Variants in KCNK2 observed in about 807,000 individuals in gnomAD.
KCNK2 encodes the protein potassium channel subfamily K member 2.
In KCNK2, 21 loss-of-function variants were observed where a neutral mutation model predicts 40.5. The observed-to-expected ratio is 0.52, with a 90% confidence interval of 0.37 to 0.75. KCNK2 has a LOEUF of 0.75. KCNK2 is among the 30% of genes least tolerant of loss of function. KCNK2 has a pLI of 0.00. For missense variants in KCNK2, 399 were observed against 531.6 expected (o/e 0.75, Z 2.45); for synonymous variants, 191 against 202.2 (o/e 0.94, Z 0.47).
chr1:215,093,681 A>G (rs1456129136), intron 2 of KCNK2, among the ~76,000 whole-genome samples: 1 of 98,144 alleles, frequency 1.0e-5, no homozygotes, highest in African/African-American at 4.2e-5. Context: ...ATATACATAT[A>G]TAATATGTAT....
At chr1:215,023,020 A>G (rs1258246481) in intron 1 of KCNK2, among the ~76,000 whole-genome samples, 3 of 152,246 alleles carry the variant, frequency 2.0e-5, no homozygotes, top group African/African-American at 7.2e-5. Context: ...TACAATATCT[A>G]AGTATGAACA....
intron 2 of KCNK2, among the ~76,000 whole-genome samples, chr1:215,106,715 T>G (rs1320414284): frequency 6.6e-6 from 1 of 152,186 alleles, no homozygotes; most frequent in Non-Finnish European, 1.5e-5. Context: ...TTTTTATGAT[T>G]TGAGGTTTTA....
At chr1:215,134,427 G>C (rs1321565526) in intron 3 of KCNK2, among the ~76,000 whole-genome samples, 1 of 152,186 alleles carries the variant, frequency 6.6e-6, no homozygotes, top group African/African-American at 2.4e-5. Context: ...AAGGGATACA[G>C]ATGAAAGACA....
intron 1 of KCNK2, among the ~76,000 whole-genome samples, chr1:215,014,160 A>G (rs1453768959): frequency 6.6e-6 from 1 of 152,098 alleles, no homozygotes; most frequent in Non-Finnish European, 1.5e-5. Context: ...GCCTCATTTA[A>G]TATGATCATG....
intron 3 of KCNK2, among the ~76,000 whole-genome samples, chr1:215,145,393 A>G (rs1357749473): frequency 6.6e-6 from 1 of 152,196 alleles, no homozygotes; most frequent in Admixed American, 6.5e-5. Context: ...TGGGCTCTAG[A>G]GCCTGAAGTC....
intron 1 of KCNK2, among the ~76,000 whole-genome samples, chr1:215,077,572 C>A (rs1016546587): frequency 6.6e-6 from 1 of 152,156 alleles, no homozygotes; most frequent in South Asian, 2.1e-4. Flanking sequence ...GATGAGATTT[C>A]TTCTGCGATG....
intron 1 of KCNK2, among the ~76,000 whole-genome samples, chr1:215,061,521 A>C (rs1278890009): frequency 6.6e-6 from 1 of 152,146 alleles, no homozygotes; most frequent in Admixed American, 6.5e-5. Context: ...AAATCTCCAG[A>C]CAAAGAACAA....
intron 5 of KCNK2, among the ~76,000 whole-genome samples, chr1:215,181,643 T>G (rs1012349316): frequency 6.6e-6 from 1 of 152,210 alleles, no homozygotes; most frequent in Non-Finnish European, 1.5e-5. Context: ...TTGACTTTGC[T>G]GCTATAGCCC....
intron 6 of KCNK2, among the ~76,000 whole-genome samples, chr1:215,213,332 G>C (rs1665822064): frequency 6.6e-6 from 1 of 152,152 alleles, no homozygotes. Flanking sequence ...TCCTGGGCTG[G>C]GCGCAGTGGC....
At chr1:215,019,866 T>C (rs969584438) in intron 1 of KCNK2, among the ~76,000 whole-genome samples, 1 of 152,170 alleles carries the variant, frequency 6.6e-6, no homozygotes, top group African/African-American at 2.4e-5. Context: ...ATATTATTGT[T>C]CTGTTTTTAA....
At chr1:215,098,085 T>C (rs1289073744) in intron 2 of KCNK2, among the ~76,000 whole-genome samples, 1 of 152,008 alleles carries the variant, frequency 6.6e-6, no homozygotes. Flanking sequence ...GTCTTCCTAG[T>C]AGTTTTGTTT....
chr1:215,194,884 T>G (rs1406896839), intron 5 of KCNK2, 69 bp from the exon 6 acceptor site: 2 of 1,450,636 alleles, frequency 1.4e-6, no homozygotes, highest in African/African-American at 1.4e-5. Flanking sequence ...GTTAGTAATT[T>G]TAGCAATACC....
intron 1 of KCNK2, among the ~76,000 whole-genome samples, chr1:215,065,264 A>G (rs1314368193): frequency 6.6e-6 from 1 of 152,220 alleles, no homozygotes; most frequent in Non-Finnish European, 1.5e-5. Flanking sequence ...CATCTATTTT[A>G]TCTGGTTTCA....
intron 3 of KCNK2, among the ~76,000 whole-genome samples, chr1:215,163,791 C>A (rs895534881): frequency 1.3e-5 from 2 of 152,236 alleles, no homozygotes; most frequent in East Asian, 3.9e-4. Flanking sequence ...GGTGGATAAG[C>A]TTTTTGATGT....
chr1:215,051,606 C>T (rs557615613), intron 1 of KCNK2, among the ~76,000 whole-genome samples: 1 of 152,134 alleles, frequency 6.6e-6, no homozygotes, highest in Admixed American at 6.5e-5. Flanking sequence ...GGATGCTTGA[C>T]CAGAAACCTG....
chr1:215,047,456 T>C (rs1262861675), intron 1 of KCNK2, among the ~76,000 whole-genome samples: 2 of 152,050 alleles, frequency 1.3e-5, no homozygotes, highest in Non-Finnish European at 2.9e-5. Flanking sequence ...TTGCCCAAGG[T>C]CACACACCTA....
intron 3 of KCNK2, among the ~76,000 whole-genome samples, chr1:215,131,445 C>A (rs1484644585): frequency 1.4e-5 from 2 of 144,768 alleles, no homozygotes; most frequent in Admixed American, 6.9e-5. Flanking sequence ...GTATTATATT[C>A]ATATATTATT....
chr1:215,091,239 G>C (rs896163052), intron 2 of KCNK2, among the ~76,000 whole-genome samples: 3 of 152,136 alleles, frequency 2.0e-5, no homozygotes, highest in South Asian at 2.1e-4. Flanking sequence ...ATTCTAAGCA[G>C]AATGGGCATG....
intron 1 of KCNK2, among the ~76,000 whole-genome samples, chr1:215,024,659 A>C (rs1656931631): frequency 6.6e-6 from 1 of 152,174 alleles, no homozygotes; most frequent in African/African-American, 2.4e-5. Context: ...ATTCCCATTG[A>C]ACAAATGTTG....
Sources: gnomAD v4.1 joint callset for allele counts (sites outside exome capture counted in the v4.1 genomes callset) on GRCh38, gnomAD v4.1.1 for gene constraint, MANE v1.5 for transcripts, NCBI Gene and HGNC (gene_info 2026-07-23, HGNC 2026-07-21) for gene names.